The following PDE5A variants were observed in gnomAD, a reference collection of about 807,000 sequenced individuals.
The protein encoded by PDE5A is cGMP-specific 3',5'-cyclic phosphodiesterase.
A neutral mutation model predicts 110.2 loss-of-function variants in PDE5A; 67 were observed. That is an observed-to-expected ratio of 0.61 (90% confidence interval 0.50 to 0.75). The LOEUF is 0.75. PDE5A is among the 30% of genes least tolerant of loss of function. The probability of loss-of-function intolerance (pLI) is 0.00; values close to 1 mark genes in which losing one functional copy is unlikely to be tolerated. For synonymous variants in PDE5A, 328 were observed against 351.2 expected (o/e 0.93, Z 0.74); for missense variants, 862 against 1,045.1 (o/e 0.82, Z 2.42).
chr4:119,596,574 G>T lies in PDE5A; in HGVS notation c.780C>A (p.Gly260=). The T allele has an allele frequency of 6.2e-7, 1 of 1,602,678 alleles. No individual in the cohort carries two copies. Among genetic ancestry groups the T allele is most frequent in the South Asian group, 1.1e-5 (1 of 88,536 alleles). The change falls in exon 3 of 21, where the codon GGC becomes GGA. Residue 260 remains glycine, a synonymous_variant. Coordinates refer to ENST00000354960, the MANE Select transcript of PDE5A (RefSeq NM_001083.4). ...TACAAAGAATGCTTTGTGTCTTGTA[G>T]CCTGTAATTTGGTCAACTTCTGCAT... ...RFNAEVDQIT[G]YKTQSILCMP...
intron 1 of PDE5A, among the ~76,000 whole-genome samples, chr4:119,608,724 AG>A (rs1240073289): frequency 1.3e-5 from 2 of 152,246 alleles, no homozygotes; most frequent in African/African-American, 4.8e-5. Context: ...CTATACAAAA[AG>A]CAATGTAATC....
At chr4:119,523,825 T>C (rs1260755406) in intron 12 of PDE5A, among the ~76,000 whole-genome samples, 1 of 152,030 alleles carries the variant, frequency 6.6e-6, no homozygotes, top group Non-Finnish European at 1.5e-5. Context: ...CATTATTAGT[T>C]TCAAGAATGG....
intron 2 of PDE5A, among the ~76,000 whole-genome samples, chr4:119,598,422 A>T (rs1306597116): frequency 6.6e-6 from 1 of 152,212 alleles, no homozygotes; most frequent in Non-Finnish European, 1.5e-5. Context: ...GTGCAAAGAC[A>T]ATATACATAA....
At chr4:119,524,116 T>G (rs1220927464) in intron 12 of PDE5A, among the ~76,000 whole-genome samples, 3 of 152,104 alleles carry the variant, frequency 2.0e-5, no homozygotes, top group Non-Finnish European at 4.4e-5. Context: ...TACATACACA[T>G]GCATACAAAT....
intron 1 of PDE5A, among the ~76,000 whole-genome samples, chr4:119,613,030 T>C (rs1353079673): frequency 6.6e-6 from 1 of 152,226 alleles, no homozygotes; most frequent in East Asian, 1.9e-4. Context: ...AATAATTATA[T>C]TCTGAATTAA....
chr4:119,555,354 T>A (rs868195578), intron 7 of PDE5A, among the ~76,000 whole-genome samples: 2 of 152,156 alleles, frequency 1.3e-5, no homozygotes, highest in African/African-American at 4.8e-5. Context: ...ACCATACACA[T>A]CAGACCTAAT....
chr4:119,599,472 T>C (rs1474558731), intron 2 of PDE5A, among the ~76,000 whole-genome samples: 3 of 151,628 alleles, frequency 2.0e-5, no homozygotes, highest in Non-Finnish European at 2.9e-5. Context: ...GAGATAGGAA[T>C]CTCTGCAAGG....
chr4:119,512,350 G>A (rs1049360938), intron 14 of PDE5A: 1 of 152,072 alleles, frequency 6.6e-6, no homozygotes, highest in Non-Finnish European at 1.5e-5. Flanking sequence ...TCCATATTTA[G>A]TGAGTTGGAC....
chr4:119,516,821 A>G (rs1441852327), intron 14 of PDE5A, among the ~76,000 whole-genome samples: 1 of 152,162 alleles, frequency 6.6e-6, no homozygotes, highest in Non-Finnish European at 1.5e-5. Flanking sequence ...GGGTTTCACC[A>G]TATTGGCCAG....
At chr4:119,576,601 G>A (rs975044087) in intron 3 of PDE5A, among the ~76,000 whole-genome samples, 33 of 152,204 alleles carry the variant, frequency 2.2e-4, no homozygotes, top group African/African-American at 7.7e-4. Flanking sequence ...AGTACATAAC[G>A]AAATGAAGGC....
chr4:119,557,969 A>G (rs935016541), intron 7 of PDE5A, among the ~76,000 whole-genome samples: 1 of 152,226 alleles, frequency 6.6e-6, no homozygotes, highest in African/African-American at 2.4e-5. Context: ...AATTCTATGT[A>G]TTTATCATTT....
intron 1 of PDE5A, among the ~76,000 whole-genome samples, chr4:119,623,766 A>G (rs1368384168): frequency 6.6e-6 from 1 of 152,210 alleles, no homozygotes; most frequent in East Asian, 1.9e-4. Flanking sequence ...GACAATTTCT[A>G]CAGATCATCA....
At chr4:119,622,364 A>G (rs534101284) in intron 1 of PDE5A, among the ~76,000 whole-genome samples, 1 of 152,250 alleles carries the variant, frequency 6.6e-6, no homozygotes, top group South Asian at 2.1e-4. Flanking sequence ...AATTATCACT[A>G]TGAACATGAT....
intron 2 of PDE5A, among the ~76,000 whole-genome samples, chr4:119,603,375 AAT>A (rs1729411527): frequency 4.0e-5 from 6 of 148,708 alleles, no homozygotes; most frequent in Admixed American, 6.8e-5. Flanking sequence ...GCTTAAAATA[AAT>A]ACATACATAC....
At chr4:119,602,238 T>G (rs566976951) in intron 2 of PDE5A, among the ~76,000 whole-genome samples, 13 of 152,324 alleles carry the variant, frequency 8.5e-5, no homozygotes, top group Admixed American at 6.5e-4. Context: ...AAACATATCT[T>G]TAGCTTATTA....
chr4:119,577,455 A>G lies in PDE5A; in HGVS notation c.832-10311T>C, dbSNP rs1345598467. ...ATCCTCAATAAAATACTGGCAAACC[A>G]AATCCAGCAGCACATCAAAAAGCTT... On this transcript the variant is annotated intron_variant, in intron 3 of 20. Transcript: ENST00000354960. Among the ~76,000 whole-genome samples, 27 of 152,222 alleles carry G rather than the reference A, an allele frequency of 1.8e-4. 1 individual carries two copies. Among genetic ancestry groups the G allele is most frequent in the Admixed American group, 1.6e-3 (25 of 15,282 alleles).
intron 1 of PDE5A, among the ~76,000 whole-genome samples, chr4:119,619,073 A>G (rs959104872): frequency 6.6e-6 from 1 of 152,168 alleles, no homozygotes; most frequent in African/African-American, 2.4e-5. Flanking sequence ...CCAGCATTGC[A>G]AAGAGTATAC....
At chr4:119,614,827 C>G (rs927658284) in intron 1 of PDE5A, among the ~76,000 whole-genome samples, 1 of 152,108 alleles carries the variant, frequency 6.6e-6, no homozygotes, top group African/African-American at 2.4e-5. Flanking sequence ...GTTCTAATCT[C>G]AGCATTTGTT....
chr4:119,530,057 T>C (rs1229917378), intron 11 of PDE5A, among the ~76,000 whole-genome samples: 2 of 152,142 alleles, frequency 1.3e-5, no homozygotes, highest in African/African-American at 4.8e-5. Context: ...TGCTGAACTT[T>C]GAGAACCACT....
Sources: gnomAD v4.1 joint callset for allele counts (sites outside exome capture counted in the v4.1 genomes callset) on GRCh38, gnomAD v4.1.1 for gene constraint, MANE v1.5 for transcripts, NCBI Gene and HGNC (gene_info 2026-07-23, HGNC 2026-07-21) for gene names.